The following SAMD4B variants were observed in gnomAD, a reference collection of about 807,000 sequenced individuals.
SAMD4B encodes protein Smaug homolog 2.
Under a neutral mutation model 74.5 loss-of-function variants are expected in SAMD4B, and 5 were observed. That is an observed-to-expected ratio of 0.07 (90% CI 0.04 to 0.14). The LOEUF (loss-of-function observed/expected upper bound fraction) is 0.14. Among genes scored for constraint, SAMD4B ranks in the 10% least tolerant of loss-of-function variants. The probability of loss-of-function intolerance (pLI) is 1.00; values close to 1 mark genes in which losing one functional copy is unlikely to be tolerated. For synonymous variants in SAMD4B, 373 were observed against 374.9 expected (o/e 1.00, Z 0.06); for missense variants, 608 against 921.8 (o/e 0.66, Z 4.41).
downstream of SAMD4B, chr19:39,390,035 A>G: frequency 6.5e-7 from 1 of 1,543,888 alleles, no homozygotes; most frequent in South Asian, 1.1e-5. Context: ...CAAGGAACTC[A>G]TACCTGAGTA....
chr19:39,365,805 G>A (rs1404116056), intron 3 of SAMD4B, among the ~76,000 whole-genome samples: 1 of 152,204 alleles, frequency 6.6e-6, no homozygotes, highest in East Asian at 1.9e-4. Flanking sequence ...TATTGCTATT[G>A]TCAGTAGTAG....
Position 39,377,584 on chromosome 19 carries a change from G to T in SAMD4B, c.1204G>T (p.Ala402Ser). The T allele has an allele frequency of 6.2e-7, 1 of 1,613,910 alleles. No individual in the cohort carries two copies. Among genetic ancestry groups the T allele is most frequent in the Non-Finnish European group, 8.5e-7 (1 of 1,179,860 alleles). The stretch of plus-strand genomic sequence containing the variant: ...CTACAGTGTCCTCCAGGCCACCGTG[G>T]CTGCCGCCACCACCACCCCTACTGC... ...KAYSVLQATVAAATTTPTAKD... is the reference protein window; with the variant it reads ...KAYSVLQATVSAATTTPTAKD... Residue 402 changes from alanine to serine, a missense_variant, in exon 8 of 14, where the codon GCT becomes TCT. Ala to Ser is a moderately conservative substitution (Grantham distance 99, BLOSUM62 1). Transcript: ENST00000610417.
Position 39,356,718 on chromosome 19 carries a change from C to T in SAMD4B, c.-176C>T. ...CTGGAGAGGCGTGGCTGGACCAAGA[C>T]CTCCCCCCATGTGAGCAGGCTTCCT... is the stretch of plus-strand genomic sequence containing the variant. On this transcript the variant is annotated 5_prime_UTR_variant, in exon 3 of 14. Coordinates refer to ENST00000610417, the MANE Select transcript of SAMD4B (RefSeq NM_001384574.2). The T allele has an allele frequency of 1.8e-6, 1 of 556,442 alleles. No homozygotes were observed. Among genetic ancestry groups the T allele is most frequent in the South Asian group, 2.6e-5 (1 of 38,556 alleles). The allele number at this position is 556,442 out of a possible 1,614,324, so 34.5% of individuals were successfully genotyped here. A position where few individuals can be genotyped will look rare whatever the true frequency, so the allele number is the denominator to read the frequency against.
rs896431330 is a variant in SAMD4B, at chr19:39,383,340, C to G, written c.2056+49C>G. On this transcript the variant is annotated intron_variant, in intron 13 of 13. Coordinates refer to ENST00000610417, the MANE Select transcript of SAMD4B (RefSeq NM_001384574.2). This position sits in a 1 kb window ranked among gnomAD's most constrained non-coding sequence, Gnocchi z 4.1. ...CCCAGCTCCCACCTACCCAGCGTCT[C>G]TGCCTCTGAACTGAGCAACTCAGAG... The G allele has an allele frequency of 1.2e-6, 2 of 1,600,988 alleles. No individual in the cohort carries two copies. The highest frequency in any genetic ancestry group is 2.2e-5 in the East Asian group (1 of 44,814).
intron 1 of SAMD4B, among the ~76,000 whole-genome samples, chr19:39,345,905 C>T (rs566574501): frequency 3.3e-4 from 50 of 152,210 alleles, no homozygotes; most frequent in African/African-American, 1.0e-3. Flanking sequence ...TTTGCCTTTA[C>T]TCCTGCCCTA....
intron 1 of SAMD4B, among the ~76,000 whole-genome samples, chr19:39,345,274 A>G (rs1052875778): frequency 4.6e-5 from 7 of 152,108 alleles, no homozygotes; most frequent in Non-Finnish European, 8.8e-5. Flanking sequence ...CCCTTTATGA[A>G]GTACCCATCC....
At chr19:39,348,986 A>G (rs1192404634) in intron 1 of SAMD4B, among the ~76,000 whole-genome samples, 4 of 152,214 alleles carry the variant, frequency 2.6e-5, no homozygotes, top group Non-Finnish European at 4.4e-5. Flanking sequence ...CTCAGTAGGT[A>G]CTATTATTAC....
At chr19:39,370,203 C>G in intron 4 of SAMD4B, 78 bp downstream of exon 4, 1 of 1,347,002 alleles carries the variant, frequency 7.4e-7, no homozygotes, top group Non-Finnish European at 1.0e-6. Flanking sequence ...CTCTCTCGCT[C>G]TGTGGCATTA....
intron 3 of SAMD4B, among the ~76,000 whole-genome samples, chr19:39,363,931 C>A (rs1287324522): frequency 6.6e-6 from 1 of 152,234 alleles, no homozygotes; most frequent in East Asian, 1.9e-4. Flanking sequence ...CCATCCCCAC[C>A]CATTATTTAC....
rs909285680 is a variant in SAMD4B, at chr19:39,380,678, C to T, written c.1741C>T (p.Arg581Trp). The T allele has an allele frequency of 6.8e-6, 11 of 1,613,400 alleles. No individual in the cohort carries two copies. Among genetic ancestry groups the T allele is most frequent in the East Asian group, 4.5e-5 (2 of 44,880 alleles). ...CCAGCGGCAGTTCCCAATGCCTCCC[C>T]GGGCCCTCCCACCCGGCCGGATGGG... ...RTQRQFPMPP[R>W]ALPPGRMGLL... Residue 581 changes from arginine to tryptophan, a missense_variant, in exon 11 of 14, where the codon CGG (arginine) becomes TGG (tryptophan). Coordinates refer to ENST00000610417, the MANE Select transcript of SAMD4B (RefSeq NM_001384574.2).
chr19:39,365,618 T>C (rs1385795599), intron 3 of SAMD4B, among the ~76,000 whole-genome samples: 1 of 152,146 alleles, frequency 6.6e-6, no homozygotes, highest in Non-Finnish European at 1.5e-5. Context: ...CTTAATGGGC[T>C]CTGTCACTTA....
Position 39,356,887 on chromosome 19 carries a change from C to G in SAMD4B, c.-7C>G. 9 of 1,602,034 alleles carry G rather than the reference C, an allele frequency of 5.6e-6. No homozygotes were observed. Among genetic ancestry groups the G allele is most frequent in the Non-Finnish European group, 7.7e-6 (9 of 1,171,792 alleles). Reference sequence around the variant, plus strand: ...CGTCCCCCGACCCTGGCCCCAGGCCCGGCACCATGATGTTCCGAGACCAGG... The same window carrying G: ...CGTCCCCCGACCCTGGCCCCAGGCCGGGCACCATGATGTTCCGAGACCAGG... On this transcript the variant is annotated 5_prime_UTR_variant, in exon 3 of 14. Transcript: ENST00000610417.
intron 1 of SAMD4B, among the ~76,000 whole-genome samples, chr19:39,348,865 TTGA>T (rs1331415776): frequency 3.3e-5 from 5 of 152,110 alleles, no homozygotes; most frequent in Admixed American, 6.6e-5. Context: ...AAAACAGGAC[TTGA>T]TGATGGGATT....
chr19:39,363,126 C>G (rs541326666), intron 3 of SAMD4B, among the ~76,000 whole-genome samples: 2 of 152,102 alleles, frequency 1.3e-5, no homozygotes, highest in Admixed American at 1.3e-4. Flanking sequence ...AGAGCAGTCT[C>G]GATTGGTGCC....
At position 39,380,033 on chromosome 19, in the gene SAMD4B, C is replaced by G; in HGVS notation, c.1598C>G (p.Thr533Arg). The G allele has an allele frequency of 6.2e-7, 1 of 1,613,920 alleles. No homozygotes were observed. Among genetic ancestry groups the G allele is most frequent in the Non-Finnish European group, 8.5e-7 (1 of 1,179,922 alleles). The part of the protein sequence containing the change: ...WKQQVLKLLR[T>R]FPRKAALEMQ... ...CAGCAAGTGCTGAAGCTCCTCCGGA[C>G]ATTCCCGCGCAAAGCCGCACTAGAG... The change falls in exon 10 of 14, where the codon ACA becomes AGA. Residue 533 changes from threonine (T) to arginine (R), a missense_variant. By Grantham distance (71) the Thr-to-Arg change is moderately conservative. Coordinates refer to ENST00000610417, the MANE Select transcript of SAMD4B (RefSeq NM_001384574.2).
At chr19:39,365,460 CAGG>C (rs1568354840) in intron 3 of SAMD4B, among the ~76,000 whole-genome samples, 1 of 151,946 alleles carries the variant, frequency 6.6e-6, no homozygotes, top group Non-Finnish European at 1.5e-5. Context: ...GGGGCTGAGG[CAGG>C]AGAATTGCTT....
At chr19:39,389,947 C>T (rs1291913439), downstream of SAMD4B, 2 of 1,055,552 alleles carry the variant, frequency 1.9e-6, no homozygotes, top group East Asian at 2.4e-5. The surrounding 1 kb of genome is among the most constrained non-coding windows in gnomAD (Gnocchi z 5.3). Context: ...AATTGAGCAG[C>T]TACTACTATG....
At chr19:39,386,731 T>C, downstream of SAMD4B, 1 of 1,614,158 alleles carries the variant, frequency 6.2e-7, no homozygotes, top group Non-Finnish European at 8.5e-7. This position sits in a 1 kb window ranked among gnomAD's most constrained non-coding sequence, Gnocchi z 6.1. Flanking sequence ...GTCCCGATGT[T>C]TGACCACAAG....
At chr19:39,365,633 G>A (rs779421686) in intron 3 of SAMD4B, among the ~76,000 whole-genome samples, 3 of 152,174 alleles carry the variant, frequency 2.0e-5, no homozygotes, top group Admixed American at 1.3e-4. Context: ...CACTTAGGGT[G>A]TGTGACCTCA....
Sources: allele counts gnomAD v4.1 joint callset (sites outside exome capture counted in the v4.1 genomes callset), GRCh38; gene constraint gnomAD v4.1.1; non-coding constraint Gnocchi (gnomAD v3.1); transcripts MANE v1.5; gene names NCBI Gene and HGNC (gene_info 2026-07-23, HGNC 2026-07-21).